SMTNL2: variants seen among roughly 807,000 people sequenced by gnomAD.
The protein encoded by SMTNL2 is smoothelin-like protein 2.
Under a neutral mutation model 44.1 loss-of-function variants are expected in SMTNL2, and 43 were observed. The observed-to-expected ratio is 0.98, with a 90% confidence interval of 0.76 to 1.26. The LOEUF (loss-of-function observed/expected upper bound fraction) is 1.26. Ranked by LOEUF, SMTNL2 falls within the 50% of genes most tolerant of loss-of-function variation. The pLI, the probability that SMTNL2 is intolerant of heterozygous loss-of-function variation, is 0.00. For missense variants in SMTNL2, 646 were observed against 670.2 expected, an observed-to-expected ratio of 0.96 and a Z score of 0.40; for synonymous variants, 317 against 287.6, an observed-to-expected ratio of 1.10 and a Z score of -1.03.
At chr17:4,603,677 C>T (rs1910135213) in intron 7 of SMTNL2, among the ~76,000 whole-genome samples, 1 of 152,014 alleles carries the variant, frequency 6.6e-6, no homozygotes, top group Non-Finnish European at 1.5e-5. Context: ...ATAACCAGAG[C>T]ATGTGTGGAG....
At position 4,585,010 on chromosome 17, in the gene SMTNL2, C is replaced by G; in HGVS notation, c.399+6C>G. ...CGCTGTCCGGCCGCGGCCAGGTGAG[C>G]CCGGGGGAGCGCGTGCGCTGGCGCC... On this transcript the variant is annotated splice_donor_region_variant and intron_variant, in intron 1 of 7. Coordinates refer to ENST00000389313, the MANE Select transcript of SMTNL2 (RefSeq NM_001114974.2). The G allele has an allele frequency of 7.6e-7, 1 of 1,323,744 alleles. No homozygotes were observed. Among genetic ancestry groups the G allele is most frequent in the South Asian group, 2.0e-5 (1 of 51,212 alleles). 82.0% of individuals were successfully genotyped at this position (1,323,744 alleles called of 1,614,324 possible).
rs189274236 is a variant in SMTNL2, at chr17:4,607,680, G to C, written c.*193G>C. ...TAAAAGTACTGCTGAGCTGTGGTCCGACAGCACTGATCACAGCCAAGGGCT... is the reference window on the plus strand; with the variant it reads ...TAAAAGTACTGCTGAGCTGTGGTCCCACAGCACTGATCACAGCCAAGGGCT... On this transcript the variant is annotated 3_prime_UTR_variant, in exon 8 of 8. Coordinates refer to ENST00000389313, the MANE Select transcript of SMTNL2 (RefSeq NM_001114974.2). This position sits in a 1 kb window ranked among gnomAD's most constrained non-coding sequence, Gnocchi z 4.7. The C allele has an allele frequency of 1.6e-5, 14 of 851,678 alleles. No homozygotes were observed. The highest frequency in any genetic ancestry group is 6.3e-5 in the Admixed American group (2 of 31,544). 52.8% of individuals were successfully genotyped at this position (851,678 alleles called of 1,614,324 possible). A position where few individuals can be genotyped will look rare whatever the true frequency, so the allele number is the denominator to read the frequency against.
chr17:4,597,064 G>A, intron 6 of SMTNL2, 87 bp downstream of exon 6: 1 of 1,502,534 alleles, frequency 6.7e-7, no homozygotes, highest in Non-Finnish European at 8.9e-7. Context: ...TCCCGCCTGG[G>A]CAGGAGCCCG....
Position 4,597,162 on chromosome 17 carries a change from C to G in SMTNL2, c.1108-10C>G, listed in dbSNP as rs2150523295. On this transcript the variant is annotated splice_polypyrimidine_tract_variant and intron_variant, in intron 6 of 7. Coordinates refer to ENST00000389313, the MANE Select transcript of SMTNL2 (RefSeq NM_001114974.2). ...GCCCTCCCGCACTGACCCCACTCACCCTGTTGCAGCACGTGGACCTGCAGA... is the reference window on the plus strand; with the variant it reads ...GCCCTCCCGCACTGACCCCACTCACGCTGTTGCAGCACGTGGACCTGCAGA... 1.2e-6 allele frequency: 2 copies of G among 1,612,182 alleles called. No homozygotes were observed. Among genetic ancestry groups the G allele is most frequent in the East Asian group, 4.5e-5 (2 of 44,882 alleles).
intron 1 of SMTNL2, among the ~76,000 whole-genome samples, 179 bp downstream of exon 1, chr17:4,585,183 G>A (rs1354213706): frequency 6.6e-6 from 1 of 152,234 alleles, no homozygotes; most frequent in Non-Finnish European, 1.5e-5. Context: ...GCGGGGGGAG[G>A]ACCGCTGAGC....
intron 4 of SMTNL2, among the ~76,000 whole-genome samples, chr17:4,594,452 AAAATAAATAAAT>A (rs56017371): frequency 3.4e-5 from 5 of 149,214 alleles, no homozygotes; most frequent in Non-Finnish European, 5.9e-5. Context: ...CTATCTACAA[AAAATAAATAAAT>A]AAATAAATAA....
At position 4,586,183 on chromosome 17, in the gene SMTNL2, G is replaced by A. The variant is rs374333539; in HGVS notation, c.399+1179G>A. Among the ~76,000 whole-genome samples the A allele has an allele frequency of 6.6e-5, 10 of 152,320 alleles. No homozygotes were observed. The East Asian group carries it at 1.5e-3, about 23-fold the overall frequency. On this transcript the variant is annotated intron_variant, in intron 1 of 7. Transcript: ENST00000389313. ...GGGCAGTGGCGAATGCCCCTAGTGT[G>A]CTGGGCAGAGGAGTTGGGCTTTGCC...
intron 1 of SMTNL2, among the ~76,000 whole-genome samples, chr17:4,588,948 T>C (rs536649951): frequency 2.0e-5 from 3 of 152,320 alleles, no homozygotes; most frequent in Non-Finnish European, 2.9e-5. Context: ...GGTTGGAGGA[T>C]GGTCTCAGAA....
chr17:4,595,186 A>G lies in SMTNL2; in HGVS notation c.848A>G (p.Gln283Arg). ...CCACCCCAGTCGCCCGTGTCCCCGCAGCCGCCAGCCATAACTCAGGTCCAT... is the reference window on the plus strand; with the variant it reads ...CCACCCCAGTCGCCCGTGTCCCCGCGGCCGCCAGCCATAACTCAGGTCCAT... ...VTPPQSPVSPQPPAITQVHRQ... is the reference protein window; with the variant it reads ...VTPPQSPVSPRPPAITQVHRQ... Residue 283 changes from glutamine (Q) to arginine (R), a missense_variant, in exon 5 of 8, where the codon CAG (glutamine) becomes CGG (arginine). Coordinates refer to ENST00000389313, the MANE Select transcript of SMTNL2 (RefSeq NM_001114974.2). This position sits in a 1 kb window ranked among gnomAD's most constrained non-coding sequence, Gnocchi z 5.1. 1 of 1,613,138 alleles carries G rather than the reference A, an allele frequency of 6.2e-7. No homozygotes were observed. Among genetic ancestry groups the G allele is most frequent in the Non-Finnish European group, 8.5e-7 (1 of 1,179,982 alleles).
chr17:4,593,921 T>C (rs929794068), intron 4 of SMTNL2, 24 bp downstream of exon 4: 1 of 1,612,962 alleles, frequency 6.2e-7, no homozygotes, highest in Middle Eastern at 1.7e-4. Flanking sequence ...TGTGTTCCTG[T>C]GGGGTCGCTG....
At position 4,592,966 on chromosome 17, in the gene SMTNL2, C is replaced by A. The variant is rs145126598; in HGVS notation, c.525C>A (p.Phe175Leu). The A allele has an allele frequency of 2.5e-3, 4,011 of 1,614,006 alleles. 10 individuals carry two copies. Among genetic ancestry groups the A allele is most frequent in the Middle Eastern group, 9.7e-3 (59 of 6,058 alleles). ...GDGPPEIAQN[F>L]SAPDPPRPRP... is the part of the protein sequence containing the mutation. The stretch of plus-strand genomic sequence containing the variant: ...GACCCCCTGAGATTGCCCAAAACTT[C>A]TCAGCACCAGATCCCCCCAGGCCTC... The change falls in exon 3 of 8, where the codon TTC becomes TTA. Residue 175 changes from phenylalanine (F) to leucine (L), a missense_variant. Coordinates refer to ENST00000389313, the MANE Select transcript of SMTNL2 (RefSeq NM_001114974.2). The surrounding 1 kb of genome is among the most constrained non-coding windows in gnomAD (Gnocchi z 4.5).
chr17:4,592,262 G>A lies in SMTNL2; in HGVS notation c.400-99G>A. 2 of 1,072,896 alleles carry A rather than the reference G, an allele frequency of 1.9e-6. No individual in the cohort carries two copies. Among genetic ancestry groups the A allele is most frequent in the South Asian group, 1.3e-5 (1 of 77,238 alleles). The allele number at this position is 1,072,896 out of a possible 1,614,324, so 66.5% of individuals were successfully genotyped here. ...GCTGTTTTCTCTCAACATGATTGGTGTTTTGCCAGAACGGGAGGGGATTTG... is the reference window on the plus strand; with the variant it reads ...GCTGTTTTCTCTCAACATGATTGGTATTTTGCCAGAACGGGAGGGGATTTG... On this transcript the variant is annotated intron_variant, in intron 1 of 7. Transcript: ENST00000389313. The surrounding 1 kb of genome is among the most constrained non-coding windows in gnomAD (Gnocchi z 4.5).
intron 7 of SMTNL2, among the ~76,000 whole-genome samples, chr17:4,602,996 C>T (rs929153671): frequency 2.6e-5 from 4 of 152,192 alleles, no homozygotes; most frequent in Admixed American, 1.3e-4. Context: ...GGGAAGCCGG[C>T]GATCTGGACA....
chr17:4,595,167 C>A lies in SMTNL2; in HGVS notation c.829C>A (p.Gln277Lys). 1 of 1,613,190 alleles carries A rather than the reference C, an allele frequency of 6.2e-7. No individual in the cohort carries two copies. The highest frequency in any genetic ancestry group is 8.5e-7 in the Non-Finnish European group (1 of 1,179,976). Reference protein sequence around the residue: ...SNSPPLVTPPQSPVSPQPPAI... With the variant: ...SNSPPLVTPPKSPVSPQPPAI... ...CAGCCCACCGCTGGTGACACCACCC[C>A]AGTCGCCCGTGTCCCCGCAGCCGCC... The change falls in exon 5 of 8, where the codon CAG becomes AAG. Residue 277 changes from glutamine (Q) to lysine (K), a missense_variant. By Grantham distance (53) the Gln-to-Lys change is moderately conservative. Coordinates refer to ENST00000389313, the MANE Select transcript of SMTNL2 (RefSeq NM_001114974.2). This position sits in a 1 kb window ranked among gnomAD's most constrained non-coding sequence, Gnocchi z 5.1.
Position 4,598,330 on chromosome 17 carries a change from C to T in SMTNL2, c.1259+1007C>T, listed in dbSNP as rs1909900964. 6.6e-6 allele frequency among the ~76,000 whole-genome samples: 1 copy of T among 152,136 alleles called. No individual in the cohort carries two copies. Among genetic ancestry groups the T allele is most frequent in the East Asian group, 1.9e-4 (1 of 5,182 alleles). ...GGCCCCCAGGGCAGGGAGCAGGGCA[C>T]AGATGAGTGGTGTTCGGGGCTGCCC... On this transcript the variant is annotated intron_variant, in intron 7 of 7. Coordinates refer to ENST00000389313, the MANE Select transcript of SMTNL2 (RefSeq NM_001114974.2). This position sits in a 1 kb window ranked among gnomAD's most constrained non-coding sequence, Gnocchi z 4.8.
At position 4,607,186 on chromosome 17, in the gene SMTNL2, A is replaced by G. The variant is rs1910311759; in HGVS notation, c.1260-175A>G. On this transcript the variant is annotated intron_variant, in intron 7 of 7. Transcript: ENST00000389313. This position sits in a 1 kb window ranked among gnomAD's most constrained non-coding sequence, Gnocchi z 4.7. ...GGGAGTTTGGGAAACATTGTATTGG[A>G]GTCAGTGACTCCAAGGGTTCTGCCA... Among the ~76,000 whole-genome samples the G allele has an allele frequency of 6.6e-6, 1 of 152,152 alleles. No individual in the cohort carries two copies. Among genetic ancestry groups the G allele is most frequent in the Non-Finnish European group, 1.5e-5 (1 of 68,032 alleles).
rs1019695196 is a variant in SMTNL2 at position 4,600,732 on chromosome 17, GCCTGAC to G, written c.1259+3413_1259+3418del. ...ATGGAAGGGGCTGAGTCGGGCGGGC[GCCTGAC>G]CCTTCTGCACCCGTCCTTTCCACCT... On this transcript the variant is annotated intron_variant, in intron 7 of 7. Transcript: ENST00000389313. The surrounding 1 kb of genome is among the most constrained non-coding windows in gnomAD (Gnocchi z 4.7). 7.9e-5 allele frequency among the ~76,000 whole-genome samples: 12 copies of G among 152,166 alleles called. No homozygotes were observed. Among genetic ancestry groups the G allele is most frequent in the African/African-American group, 2.7e-4 (11 of 41,432 alleles).
Position 4,607,620 on chromosome 17 carries a change from C to T in SMTNL2, c.*133C>T, listed in dbSNP as rs935466784. On this transcript the variant is annotated 3_prime_UTR_variant, in exon 8 of 8. Coordinates refer to ENST00000389313, the MANE Select transcript of SMTNL2 (RefSeq NM_001114974.2). The surrounding 1 kb of genome is among the most constrained non-coding windows in gnomAD (Gnocchi z 4.7). ...GCGCTGTTTGTTCTGTGGCATGTGACGGCACTCCCCTTCGAGCCCAGCTGT... is the reference window on the plus strand; with the variant it reads ...GCGCTGTTTGTTCTGTGGCATGTGATGGCACTCCCCTTCGAGCCCAGCTGT... 5.8e-6 allele frequency: 8 copies of T among 1,384,366 alleles called. No homozygotes were observed. Among genetic ancestry groups the T allele is most frequent in the African/African-American group, 5.8e-5 (4 of 69,476 alleles). The allele number at this position is 1,384,366 out of a possible 1,614,324, so 85.8% of individuals were successfully genotyped here. A position where few individuals can be genotyped will look rare whatever the true frequency, so the allele number is the denominator to read the frequency against.
At chr17:4,584,405 G>A (rs1339850722), upstream of SMTNL2, 2 of 461,226 alleles carry the variant, frequency 4.3e-6, no homozygotes, top group Non-Finnish European at 6.8e-6. Flanking sequence ...CTCTCCCTCC[G>A]CACCGTCCCG....
Sources: allele counts gnomAD v4.1 joint callset (sites outside exome capture counted in the v4.1 genomes callset), GRCh38; gene constraint gnomAD v4.1.1; non-coding constraint Gnocchi (gnomAD v3.1); transcripts MANE v1.5; gene names NCBI Gene and HGNC (gene_info 2026-07-23, HGNC 2026-07-21).